CMYA5: variants seen among roughly 807,000 people sequenced by gnomAD.
CMYA5 encodes the protein cardiomyopathy-associated protein 5.
Under a neutral mutation model 318.9 loss-of-function variants are expected in CMYA5, and 246 were observed. The ratio of observed to expected loss-of-function variants is 0.77; its 90% CI spans 0.70 to 0.86. The LOEUF is 0.86. CMYA5 is among the 40% of genes least tolerant of loss of function. CMYA5 has a pLI of 0.00. For synonymous variants in CMYA5, 1,641 were observed against 1,729.5 expected, an observed-to-expected ratio of 0.95 and a Z score of 1.27; for missense variants, 4,589 against 4,678.2, an observed-to-expected ratio of 0.98 and a Z score of 0.56.
At chr5:79,776,880 T>C (rs1828948559) in intron 9 of CMYA5, among the ~76,000 whole-genome samples, 1 of 152,164 alleles carries the variant, frequency 6.6e-6, no homozygotes, top group Non-Finnish European at 1.5e-5. Context: ...TTCCTCCATA[T>C]TGTTTGTACA....
chr5:79,701,529 A>C (rs1301339720), intron 1 of CMYA5, among the ~76,000 whole-genome samples: 1 of 152,176 alleles, frequency 6.6e-6, no homozygotes, highest in African/African-American at 2.4e-5. Context: ...AAACCACAAT[A>C]AGATACCACT....
rs1219454927 is a variant in CMYA5, at chr5:79,732,535, A to G, written c.3770A>G (p.Lys1257Arg). Residue 1257 changes from lysine to arginine, a missense_variant, in exon 2 of 13, where the codon AAA (lysine) becomes AGA (arginine). Coordinates refer to ENST00000446378, the MANE Select transcript of CMYA5 (RefSeq NM_153610.5). ...GAGCCAAAGAAGGGTGTCAAGCCCA[A>G]ATTAGTTCTAAATGTGACTTCTGAA... ...VDEPKKGVKP[K>R]LVLNVTSELE... is the part of the protein sequence containing the mutation. The G allele has an allele frequency of 1.2e-6, 2 of 1,613,146 alleles. No individual in the cohort carries two copies. The highest frequency in any genetic ancestry group is 3.3e-5 in the Admixed American group (2 of 59,858).
Position 79,763,101 on chromosome 5 carries a change from T to G in CMYA5, c.11447T>G (p.Val3816Gly), listed in dbSNP as rs1828684237. ...TPVIRAEDCT[V>G]CWNTATIRWR... ...GTGATCCGCGCTGAGGACTGTACTG[T>G]GTGTTGGAACACAGCCACTATCCGA... The change falls in exon 9 of 13, where the codon GTG becomes GGG. Residue 3816 changes from valine to glycine, a missense_variant. Physicochemically the swap from Val to Gly is moderately radical, Grantham distance 109. Transcript: ENST00000446378. 1 of 1,613,722 alleles carries G rather than the reference T, an allele frequency of 6.2e-7. No individual in the cohort carries two copies. Among genetic ancestry groups the G allele is most frequent in the South Asian group, 1.1e-5 (1 of 91,066 alleles).
Position 79,730,599 on chromosome 5 carries a change from G to A in CMYA5, c.1834G>A (p.Glu612Lys). 6.2e-7 allele frequency: 1 copy of A among 1,614,052 alleles called. No individual in the cohort carries two copies. The highest frequency in any genetic ancestry group is 8.5e-7 in the Non-Finnish European group (1 of 1,179,898). The change falls in exon 2 of 13, where the codon GAA becomes AAA. Residue 612 changes from glutamate (E) to lysine (K), a missense_variant. This residue lies in a region of CMYA5 where 2,132 missense variants were observed against 2,131.3 expected (regional missense o/e 1.00). Coordinates refer to ENST00000446378, the MANE Select transcript of CMYA5 (RefSeq NM_153610.5). ...TTTGAACCATGAATTACAGGAGCAA[G>A]AAGGTGAGCCAGTTCCCCCATCCAA... ...QDLNHELQEQEGEPVPPSNVE... is the reference protein window; with the variant it reads ...QDLNHELQEQKGEPVPPSNVE...
chr5:79,742,888 G>A (rs1353791462), intron 2 of CMYA5, among the ~76,000 whole-genome samples: 2 of 152,216 alleles, frequency 1.3e-5, no homozygotes, highest in Admixed American at 6.5e-5. Context: ...GTTAGCAAAG[G>A]TGTCTCTAAA....
rs1041206359 is a variant in CMYA5 at position 79,763,156 on chromosome 5, G to C, written c.11502G>C (p.Glu3834Asp). The change falls in exon 9 of 13, where the codon GAG (glutamate) becomes GAC (aspartate). Residue 3834 changes from glutamate to aspartate, a missense_variant. Glu to Asp is a conservative substitution (Grantham distance 45). Coordinates refer to ENST00000446378, the MANE Select transcript of CMYA5 (RefSeq NM_153610.5). Reference sequence around the variant, plus strand: ...GGCCCACCACCCCAGAGGCCACGGAGACCTACACTCTGGAGTACTGCAGAC... The same window carrying C: ...GGCCCACCACCCCAGAGGCCACGGACACCTACACTCTGGAGTACTGCAGAC... ...RWRPTTPEAT[E>D]TYTLEYCRQH... 6.2e-7 allele frequency: 1 copy of C among 1,612,806 alleles called. No individual in the cohort carries two copies. Among genetic ancestry groups the C allele is most frequent in the African/African-American group, 1.3e-5 (1 of 74,862 alleles).
intron 2 of CMYA5, among the ~76,000 whole-genome samples, chr5:79,743,518 C>T (rs1828259791): frequency 1.3e-5 from 2 of 152,136 alleles, no homozygotes; most frequent in African/African-American, 4.8e-5. Flanking sequence ...GCATTCAAAT[C>T]TATAGTTCAT....
chr5:79,723,029 A>C (rs1580759916), intron 1 of CMYA5, among the ~76,000 whole-genome samples: 1 of 152,238 alleles, frequency 6.6e-6, no homozygotes, highest in East Asian at 1.9e-4. Context: ...TTAAGGGAGA[A>C]ATAATGTAAT....
At chr5:79,778,987 T>A (rs1479014656) in intron 9 of CMYA5, among the ~76,000 whole-genome samples, 2 of 109,348 alleles carry the variant, frequency 1.8e-5, no homozygotes, top group Non-Finnish European at 3.5e-5. Context: ...TATGTATACA[T>A]GTGCCATGCT....
intron 1 of CMYA5, among the ~76,000 whole-genome samples, chr5:79,713,300 C>T (rs1442619463): frequency 1.7e-5 from 2 of 115,392 alleles, no homozygotes; most frequent in South Asian, 6.9e-4. Flanking sequence ...GCACCCCGCC[C>T]CCACCCCCCA....
At position 79,761,938 on chromosome 5, in the gene CMYA5, A is replaced by C. The variant is rs1828660718; in HGVS notation, c.11388A>C (p.Glu3796Asp). Residue 3796 changes from glutamate (E) to aspartate (D), a missense_variant, in exon 8 of 13, where the codon GAA becomes GAC. Around this residue, in one of 3 missense-constraint regions of CMYA5, gnomAD observed 2,431 missense variants for 2,495.1 expected, o/e 0.97. Coordinates refer to ENST00000446378, the MANE Select transcript of CMYA5 (RefSeq NM_153610.5). Reference sequence around the variant, plus strand: ...TCACTGGATGTAGCCTGCCCAGTGAAAGGGCCATCTTTAGGACAGGTAAGG... The same window carrying C: ...TCACTGGATGTAGCCTGCCCAGTGACAGGGCCATCTTTAGGACAGGTAAGG... The part of the protein sequence containing the change: ...VNFTGCSLPS[E>D]RAIFRTAPST... The C allele has an allele frequency of 2.5e-6, 4 of 1,613,544 alleles. No homozygotes were observed. In the East Asian group the frequency reaches 8.9e-5, roughly 36 times the overall value.
intron 1 of CMYA5, among the ~76,000 whole-genome samples, chr5:79,726,505 A>G (rs1395572825): frequency 6.6e-6 from 1 of 152,272 alleles, no homozygotes; most frequent in Non-Finnish European, 1.5e-5. Flanking sequence ...TCAGCAGTTT[A>G]ATACCCAAGC....
chr5:79,708,355 C>T (rs1379249670), intron 1 of CMYA5, among the ~76,000 whole-genome samples: 2 of 152,200 alleles, frequency 1.3e-5, no homozygotes, highest in African/African-American at 4.8e-5. Flanking sequence ...GGCATGGTGG[C>T]TCACGCCTGT....
intron 1 of CMYA5, among the ~76,000 whole-genome samples, chr5:79,721,868 AATT>A: frequency 6.6e-6 from 1 of 152,352 alleles, no homozygotes; most frequent in South Asian, 2.1e-4. Flanking sequence ...ACAAATCCAC[AATT>A]GTGTTAGAAA....
chr5:79,723,085 CA>C (rs1012226955), intron 1 of CMYA5, among the ~76,000 whole-genome samples: 17 of 152,090 alleles, frequency 1.1e-4, no homozygotes, highest in Non-Finnish European at 1.9e-4. Flanking sequence ...GAACAATTCC[CA>C]GTTTGTTCTA....
chr5:79,765,225 A>G (rs1828728114), intron 9 of CMYA5, among the ~76,000 whole-genome samples: 2 of 152,096 alleles, frequency 1.3e-5, no homozygotes, highest in African/African-American at 2.4e-5. Context: ...AGTTTTTCCA[A>G]CACCATTTAT....
At chr5:79,703,235 A>G (rs1264078747) in intron 1 of CMYA5, among the ~76,000 whole-genome samples, 1 of 152,238 alleles carries the variant, frequency 6.6e-6, no homozygotes, top group Non-Finnish European at 1.5e-5. Context: ...TAAGCAATAG[A>G]ATAAACTAGT....
intron 9 of CMYA5, among the ~76,000 whole-genome samples, chr5:79,778,925 T>TA (rs1829000996): frequency 7.5e-6 from 1 of 133,740 alleles, no homozygotes; most frequent in South Asian, 2.4e-4. Context: ...TTTTTTTTTT[T>TA]ATTATACTCT....
chr5:79,711,008 T>C (rs910462648), intron 1 of CMYA5, among the ~76,000 whole-genome samples: 15 of 152,184 alleles, frequency 9.9e-5, no homozygotes, highest in Non-Finnish European at 1.0e-4. Context: ...TCCAATACAG[T>C]CCTCTATAAA....
Sources: allele counts gnomAD v4.1 joint callset (sites outside exome capture counted in the v4.1 genomes callset), GRCh38; gene constraint gnomAD v4.1.1; regional missense constraint gnomAD v4.1.1; transcripts MANE v1.5; gene names NCBI Gene and HGNC (gene_info 2026-07-23, HGNC 2026-07-21).